The following BMP7 variants were observed in gnomAD, a reference collection of about 807,000 sequenced individuals.
BMP7 encodes bone morphogenetic protein 7.
Under a neutral mutation model 41.2 loss-of-function variants are expected in BMP7, and 12 were observed. The observed-to-expected ratio is 0.29, with a 90% CI of 0.19 to 0.47. The LOEUF (loss-of-function observed/expected upper bound fraction) is 0.47. Ranked by LOEUF, BMP7 falls within the 20% of genes least tolerant of loss-of-function variation. BMP7 has a pLI of 0.99. For missense variants in BMP7, 467 were observed against 606.0 expected, an observed-to-expected ratio of 0.77 and a Z score of 2.41; for synonymous variants, 248 against 250.0, an observed-to-expected ratio of 0.99 and a Z score of 0.07.
intron 3 of BMP7, among the ~76,000 whole-genome samples, chr20:57,198,074 C>T (rs1260481081): frequency 1.3e-5 from 2 of 149,948 alleles, no homozygotes; most frequent in African/African-American, 4.9e-5. Context: ...CTCCCCTCCT[C>T]TCCTCTCGCT....
intron 3 of BMP7, 78 bp downstream of exon 3, chr20:57,202,397 A>G: frequency 6.4e-7 from 1 of 1,553,684 alleles, no homozygotes; most frequent in Admixed American, 1.8e-5. Flanking sequence ...TAGTGAAGCA[A>G]GCATGAGCAC....
Position 57,230,680 on chromosome 20 carries a change from CT to C in BMP7, c.419-2260del, listed in dbSNP as rs74182715. Among the ~76,000 whole-genome samples the C allele has an allele frequency of 1.3e-3, 175 of 132,784 alleles. 2 individuals are homozygous for C. The highest frequency in any genetic ancestry group is 5.9e-3 in the East Asian group (27 of 4,602). 87.1% of individuals were successfully genotyped at this position (132,784 alleles called of 152,430 possible). A position where few individuals can be genotyped will look rare whatever the true frequency, so the allele number is the denominator to read the frequency against. Reference sequence around the variant, plus strand: ...GCCGTTCCTCTGCTTGTTTGTAGAACTTTTTTTTTTTTTTGAGACAGAGTCT... The same window carrying C: ...GCCGTTCCTCTGCTTGTTTGTAGAACTTTTTTTTTTTTTGAGACAGAGTCT... On this transcript the variant is annotated intron_variant, in intron 1 of 6. Transcript: ENST00000395863.
intron 1 of BMP7, among the ~76,000 whole-genome samples, chr20:57,245,573 A>G (rs927070615): frequency 3.3e-5 from 5 of 152,066 alleles, no homozygotes; most frequent in Admixed American, 6.5e-5. Flanking sequence ...AAGAGTTGCA[A>G]ACAGACTCCA....
At position 57,228,562 on chromosome 20, in the gene BMP7, T is replaced by A; in HGVS notation, c.419-141A>T. ...AGTGACCCCAGTGACAACTGCTCCTTCCTCACCAACACACTGTAGACTGGA... is the reference window on the plus strand; with the variant it reads ...AGTGACCCCAGTGACAACTGCTCCTACCTCACCAACACACTGTAGACTGGA... On this transcript the variant is annotated intron_variant, in intron 1 of 6. Coordinates refer to ENST00000395863, the MANE Select transcript of BMP7 (RefSeq NM_001719.3). This position sits in a 1 kb window ranked among gnomAD's most constrained non-coding sequence, Gnocchi z 4.5. The A allele has an allele frequency of 1.0e-6, 1 of 985,252 alleles. No homozygotes were observed. The highest frequency in any genetic ancestry group is 1.6e-6 in the Non-Finnish European group (1 of 629,154). 61.0% of individuals were successfully genotyped at this position (985,252 alleles called of 1,614,324 possible).
At position 57,261,151 on chromosome 20, in the gene BMP7, C is replaced by T. The variant is rs375110124; in HGVS notation, c.418+4554G>A. On this transcript the variant is annotated intron_variant, in intron 1 of 6. Transcript: ENST00000395863. This position sits in a 1 kb window ranked among gnomAD's most constrained non-coding sequence, Gnocchi z 4.1. ...ATATTCACTCACATCGCAGGCATTC[C>T]GGTGGTGAGGGGATCGCGCACCAGC... Among the ~76,000 whole-genome samples the T allele has an allele frequency of 2.8e-4, 42 of 152,298 alleles. No individual in the cohort carries two copies. The highest frequency in any genetic ancestry group is 2.3e-3 in the East Asian group (12 of 5,186).
At chr20:57,180,712 T>C (rs1308075314) in intron 4 of BMP7, among the ~76,000 whole-genome samples, 3 of 152,098 alleles carry the variant, frequency 2.0e-5, no homozygotes, top group Non-Finnish European at 4.4e-5. Flanking sequence ...AAGACCCCTT[T>C]GAGAAACCTG....
intron 3 of BMP7, among the ~76,000 whole-genome samples, chr20:57,194,533 C>G (rs1164389479): frequency 2.6e-5 from 4 of 152,216 alleles, no homozygotes; most frequent in Non-Finnish European, 5.9e-5. Context: ...CCTAGATCCA[C>G]TCACTTCCAG....
rs554893593 is a variant in BMP7 at position 57,262,154 on chromosome 20, G to T, written c.418+3551C>A. Among the ~76,000 whole-genome samples the T allele has an allele frequency of 7.9e-5, 12 of 152,370 alleles. No individual in the cohort carries two copies. The South Asian group carries it at 2.5e-3, about 32-fold the overall frequency. On this transcript the variant is annotated intron_variant, in intron 1 of 6. Coordinates refer to ENST00000395863, the MANE Select transcript of BMP7 (RefSeq NM_001719.3). ...ACTTTACAAGATTCCTAACAGAGCTGCTGGATCTTCCCAGAGAAAGAATGG... is the reference window on the plus strand; with the variant it reads ...ACTTTACAAGATTCCTAACAGAGCTTCTGGATCTTCCCAGAGAAAGAATGG...
At chr20:57,186,379 CCTAAGAACACA>C (rs1210630990) in intron 3 of BMP7, among the ~76,000 whole-genome samples, 1 of 152,120 alleles carries the variant, frequency 6.6e-6, no homozygotes, top group African/African-American at 2.4e-5. Flanking sequence ...TGCAGATGGA[CCTAAGAACACA>C]CTATCTATCC....
At chr20:57,254,497 A>G (rs949334549) in intron 1 of BMP7, among the ~76,000 whole-genome samples, 2 of 152,092 alleles carry the variant, frequency 1.3e-5, no homozygotes, top group African/African-American at 4.8e-5. Context: ...GTATGAACCC[A>G]CAAACAATAC....
chr20:57,210,305 TAGGGG>T (rs1400148073), intron 2 of BMP7, among the ~76,000 whole-genome samples: 1 of 152,222 alleles, frequency 6.6e-6, no homozygotes, highest in African/African-American at 2.4e-5. Context: ...AATCTAATTC[TAGGGG>T]AGCAGGACGA....
At chr20:57,255,109 G>C (rs1230950421) in intron 1 of BMP7, among the ~76,000 whole-genome samples, 1 of 146,184 alleles carries the variant, frequency 6.8e-6, no homozygotes, top group Non-Finnish European at 1.5e-5. Context: ...TCAAGGCCAT[G>C]GGCTCGGCTT....
intron 2 of BMP7, among the ~76,000 whole-genome samples, chr20:57,210,893 G>A (rs1600625180): frequency 6.6e-6 from 1 of 152,358 alleles, no homozygotes; most frequent in African/African-American, 2.4e-5. Context: ...TCTTGCGCAT[G>A]GGCAGCTGGT....
chr20:57,175,120 G>T, intron 4 of BMP7, 113 bp from the exon 5 acceptor site: 1 of 1,135,394 alleles, frequency 8.8e-7, no homozygotes, highest in Non-Finnish European at 1.3e-6. Context: ...AGCACAGACG[G>T]CTGGGGGGTA....
rs918356747 is a variant in BMP7, at chr20:57,261,429, G to A, written c.418+4276C>T. Among the ~76,000 whole-genome samples the A allele has an allele frequency of 3.9e-5, 6 of 152,192 alleles. No homozygotes were observed. The highest frequency in any genetic ancestry group is 2.9e-5 in the Non-Finnish European group (2 of 68,048). ...CACCCAAGTTGGCATCCAGGGCTCA[G>A]CCTTACCCTGCCTTGATTCCAGAAG... is the stretch of plus-strand genomic sequence containing the variant. On this transcript the variant is annotated intron_variant, in intron 1 of 6. Transcript: ENST00000395863. This position sits in a 1 kb window ranked among gnomAD's most constrained non-coding sequence, Gnocchi z 4.1.
intron 4 of BMP7, among the ~76,000 whole-genome samples, chr20:57,182,346 G>T (rs1245683858): frequency 6.6e-6 from 1 of 152,200 alleles, no homozygotes; most frequent in Admixed American, 6.5e-5. Flanking sequence ...GGGGATCCCA[G>T]CACCCCCAGG....
chr20:57,243,658 G>A lies in BMP7; in HGVS notation c.419-15237C>T, dbSNP rs117791367. ...CTCCCCACCAAGCACCTGGCGAGTG[G>A]TATCCTGCTGGTAATTGTTAGACGT... On this transcript the variant is annotated intron_variant, in intron 1 of 6. Coordinates refer to ENST00000395863, the MANE Select transcript of BMP7 (RefSeq NM_001719.3). Among the ~76,000 whole-genome samples the A allele has an allele frequency of 5.2e-3, 797 of 152,210 alleles. 1 individual carries two copies. The highest frequency in any genetic ancestry group is 8.5e-3 in the Non-Finnish European group (575 of 68,000).
In BMP7 at chr20:57,228,450, A is replaced by G. The variant is rs754029800; in HGVS notation, c.419-29T>C. 8 of 1,609,116 alleles carry G rather than the reference A, an allele frequency of 5.0e-6. No homozygotes were observed. Among genetic ancestry groups the G allele is most frequent in the Non-Finnish European group, 6.8e-6 (8 of 1,175,438 alleles). Reference sequence around the variant, plus strand: ...GAAGAGGAAGAGAACACACACCAACACCGACAGCTCATTAGTGTCTGGGTT... The same window carrying G: ...GAAGAGGAAGAGAACACACACCAACGCCGACAGCTCATTAGTGTCTGGGTT... On this transcript the variant is annotated intron_variant, in intron 1 of 6. Coordinates refer to ENST00000395863, the MANE Select transcript of BMP7 (RefSeq NM_001719.3). This position sits in a 1 kb window ranked among gnomAD's most constrained non-coding sequence, Gnocchi z 4.5.
intron 4 of BMP7, among the ~76,000 whole-genome samples, chr20:57,175,241 T>C (rs1023481282): frequency 1.3e-5 from 2 of 152,250 alleles, no homozygotes; most frequent in African/African-American, 4.8e-5. Flanking sequence ...CTCTCTCATG[T>C]AGTCTTATCC....
Sources: gnomAD v4.1 joint callset for allele counts (sites outside exome capture counted in the v4.1 genomes callset) on GRCh38, gnomAD v4.1.1 for gene constraint, Gnocchi (gnomAD v3.1) non-coding constraint, MANE v1.5 for transcripts, NCBI Gene and HGNC (gene_info 2026-07-23, HGNC 2026-07-21) for gene names.